ERBIN: variants seen among roughly 807,000 people sequenced by gnomAD.
ERBIN encodes the protein densin-180-like protein.
In ERBIN, 60 loss-of-function variants were observed where a neutral mutation model predicts 158.4. That is an observed-to-expected ratio of 0.38 (90% CI 0.31 to 0.47). The LOEUF (loss-of-function observed/expected upper bound fraction) is 0.47. Ranked by LOEUF, ERBIN falls within the 20% of genes least tolerant of loss-of-function variation. The pLI, the probability that ERBIN is intolerant of heterozygous loss-of-function variation, is 0.99. For missense variants in ERBIN, 1,610 were observed against 1,648.0 expected (o/e 0.98, Z 0.40); for synonymous variants, 594 against 557.2 (o/e 1.07, Z -0.93).
Position 66,013,640 on chromosome 5 carries a change from TA to T in ERBIN, c.476+5del. 1 of 1,599,644 alleles carries T rather than the reference TA, an allele frequency of 6.3e-7. No homozygotes were observed. Among genetic ancestry groups the T allele is most frequent in the Non-Finnish European group, 8.6e-7 (1 of 1,167,070 alleles). On this transcript the variant is annotated splice_donor_region_variant and intron_variant, in intron 6 of 25. Transcript: ENST00000284037. Reference sequence around the variant, plus strand: ...GTTCTTGCCAGCAAATTTTGGCAGGTAAATTATGGTTTCTTCTAAAACGTTT... The same window carrying T: ...GTTCTTGCCAGCAAATTTTGGCAGGTAATTATGGTTTCTTCTAAAACGTTT...
chr5:65,997,430 G>A (rs1407242597), intron 4 of ERBIN, among the ~76,000 whole-genome samples: 1 of 152,084 alleles, frequency 6.6e-6, no homozygotes, highest in Non-Finnish European at 1.5e-5. Flanking sequence ...AGGCCAGGTA[G>A]TCTTGTTTAG....
At chr5:66,020,799 C>CAT (rs1441541229) in intron 7 of ERBIN, among the ~76,000 whole-genome samples, 2 of 152,026 alleles carry the variant, frequency 1.3e-5, no homozygotes, top group African/African-American at 4.8e-5. Flanking sequence ...ATTTGTGATT[C>CAT]ATATAAAACT....
chr5:66,012,135 C>A lies in ERBIN; in HGVS notation c.386+8C>A. On this transcript the variant is annotated splice_region_variant and intron_variant, in intron 5 of 25. Transcript: ENST00000284037. ...TGTAAACCCTATTTCCAAGTAAGTT[C>A]TCAGGTGAATTATAAATTACTTTTG... is the stretch of plus-strand genomic sequence containing the variant. The A allele has an allele frequency of 2.6e-6, 4 of 1,544,194 alleles. No individual in the cohort carries two copies. The highest frequency in any genetic ancestry group is 3.5e-6 in the Non-Finnish European group (4 of 1,136,104).
chr5:66,002,810 G>A (rs1211588296), intron 4 of ERBIN, among the ~76,000 whole-genome samples: 1 of 152,202 alleles, frequency 6.6e-6, no homozygotes, highest in East Asian at 1.9e-4. Flanking sequence ...ATGGTATGTT[G>A]CTCTTGTGTT....
At chr5:66,005,289 T>G (rs1437550191) in intron 4 of ERBIN, among the ~76,000 whole-genome samples, 1 of 152,056 alleles carries the variant, frequency 6.6e-6, no homozygotes, top group Non-Finnish European at 1.5e-5. Flanking sequence ...GTGATTTTGG[T>G]CATGCCCTTG....
intron 14 of ERBIN, among the ~76,000 whole-genome samples, chr5:66,029,482 C>T (rs958032420): frequency 9.2e-5 from 14 of 152,090 alleles, no homozygotes; most frequent in South Asian, 2.1e-4. Flanking sequence ...ATATTAACAG[C>T]CCTGAGGTGT....
At chr5:65,946,627 AG>A (rs1395666743) in intron 1 of ERBIN, among the ~76,000 whole-genome samples, 1 of 152,168 alleles carries the variant, frequency 6.6e-6, no homozygotes, top group Non-Finnish European at 1.5e-5. Context: ...TGAACATCCC[AG>A]TTTTCACTGG....
At chr5:66,051,049 G>C (rs1758970755) in intron 20 of ERBIN, 83 bp downstream of exon 20, 4 of 834,346 alleles carry the variant, frequency 4.8e-6, no homozygotes, top group Non-Finnish European at 7.3e-6. Flanking sequence ...AATATATAGG[G>C]TTTAATAAAT....
In ERBIN at chr5:65,984,321, C is replaced by A. The variant is rs187139135; in HGVS notation, c.-57-4314C>A. 8.6e-4 allele frequency among the ~76,000 whole-genome samples: 131 copies of A among 152,354 alleles called. 1 individual carries two copies. Among genetic ancestry groups the A allele is most frequent in the Admixed American group, 8.2e-3 (126 of 15,306 alleles). ...TTGTCCTGTTCCACTCAGATCTACACTGAGGGCAGTTGGCCTGGATGGGCT... is the reference window on the plus strand; with the variant it reads ...TTGTCCTGTTCCACTCAGATCTACAATGAGGGCAGTTGGCCTGGATGGGCT... On this transcript the variant is annotated intron_variant, in intron 1 of 25. Coordinates refer to ENST00000284037, the MANE Select transcript of ERBIN (RefSeq NM_001253697.2).
chr5:66,013,457 C>T, intron 5 of ERBIN, 92 bp from the exon 6 acceptor site: 4 of 933,596 alleles, frequency 4.3e-6, no homozygotes, highest in Non-Finnish European at 5.2e-6. Flanking sequence ...TGTTTTCTGT[C>T]TGTTGGGAAA....
chr5:65,956,400 G>C (rs1252243290), intron 1 of ERBIN, among the ~76,000 whole-genome samples: 1 of 35,154 alleles, frequency 2.8e-5, no homozygotes, highest in Non-Finnish European at 6.7e-5. Flanking sequence ...TTGAGATGGA[G>C]TCTCGCTTCT....
At chr5:66,062,625 G>T (rs10045634) in intron 21 of ERBIN, among the ~76,000 whole-genome samples, 8,782 of 152,008 alleles carry the variant, frequency 0.058, 881 homozygotes, top group African/African-American at 0.2. Context: ...GTTCTGATTT[G>T]TAGTTTCTGG....
chr5:65,950,463 C>T (rs78028740), intron 1 of ERBIN, among the ~76,000 whole-genome samples: 3,227 of 152,170 alleles, frequency 0.021, 122 homozygotes, highest in African/African-American at 0.072. Context: ...AAGAATATCA[C>T]GCAAGGGAAG....
At chr5:65,988,392 G>A (rs1346497643) in intron 1 of ERBIN, among the ~76,000 whole-genome samples, 1 of 151,350 alleles carries the variant, frequency 6.6e-6, no homozygotes, top group Non-Finnish European at 1.5e-5. Flanking sequence ...AAAAAAGCTA[G>A]TCATTTATTT....
chr5:66,021,611 C>G (rs956340508), intron 8 of ERBIN, among the ~76,000 whole-genome samples: 2 of 150,376 alleles, frequency 1.3e-5, no homozygotes, highest in Non-Finnish European at 2.9e-5. Flanking sequence ...AATGAGAGGT[C>G]CATGGAAGAG....
At chr5:65,966,680 CAAAAAAAAAAAAA>C (rs70987105) in intron 1 of ERBIN, among the ~76,000 whole-genome samples, 25 of 50,146 alleles carry the variant, frequency 5.0e-4, no homozygotes, top group South Asian at 2.4e-3. Context: ...AACTCTGTCT[CAAAAAAAAAAAAA>C]AAAAAAAAAA....
intron 1 of ERBIN, among the ~76,000 whole-genome samples, chr5:65,935,896 T>C (rs961447757): frequency 6.6e-6 from 1 of 152,134 alleles, no homozygotes; most frequent in Non-Finnish European, 1.5e-5. Context: ...AGCTAATTTT[T>C]CTATTTTTTA....
At chr5:65,971,961 G>A (rs1380294353) in intron 1 of ERBIN, among the ~76,000 whole-genome samples, 1 of 152,222 alleles carries the variant, frequency 6.6e-6, no homozygotes, top group African/African-American at 2.4e-5. Flanking sequence ...CTTCTATGTT[G>A]TGCAGGTTGC....
At chr5:65,964,366 G>C (rs912880460) in intron 1 of ERBIN, among the ~76,000 whole-genome samples, 3 of 152,158 alleles carry the variant, frequency 2.0e-5, no homozygotes, top group Non-Finnish European at 4.4e-5. Flanking sequence ...GTGGTTTTAA[G>C]GCACAATATT....
Sources: gnomAD v4.1 joint callset for allele counts (sites outside exome capture counted in the v4.1 genomes callset) on GRCh38, gnomAD v4.1.1 for gene constraint, MANE v1.5 for transcripts, NCBI Gene and HGNC (gene_info 2026-07-23, HGNC 2026-07-21) for gene names.